The following KCNMA1 variants were observed in gnomAD, a reference collection of about 807,000 sequenced individuals.
KCNMA1 encodes potassium calcium-activated channel subfamily M alpha 1.
Under a neutral mutation model 140.0 loss-of-function variants are expected in KCNMA1, and 29 were observed. That is an observed-to-expected ratio of 0.21 (90% CI 0.15 to 0.28). The LOEUF (loss-of-function observed/expected upper bound fraction) is 0.28. Among genes scored for constraint, KCNMA1 ranks in the 10% least tolerant of loss-of-function variants. The pLI, the probability that KCNMA1 is intolerant of heterozygous loss-of-function variation, is 1.00. For synonymous variants in KCNMA1, 612 were observed against 611.9 expected, an observed-to-expected ratio of 1.00 and a Z score of 0.00; for missense variants, 880 against 1,602.2, an observed-to-expected ratio of 0.55 and a Z score of 7.70.
chr10:77,244,932 C>T (rs1326312765), intron 3 of KCNMA1, among the ~76,000 whole-genome samples: 2 of 152,206 alleles, frequency 1.3e-5, no homozygotes, highest in Non-Finnish European at 2.9e-5. Flanking sequence ...GCTGCTGGCT[C>T]TCCTGTTGTG....
chr10:76,953,969 A>C, intron 20 of KCNMA1, 45 bp from the exon 21 acceptor site: 1 of 1,607,448 alleles, frequency 6.2e-7, no homozygotes, highest in Non-Finnish European at 8.5e-7. Context: ...AATGTGATAA[A>C]TTATAAATGG....
chr10:77,078,630 T>TTCA (rs1429805056), intron 13 of KCNMA1, among the ~76,000 whole-genome samples: 8 of 152,232 alleles, frequency 5.3e-5, no homozygotes, highest in African/African-American at 1.9e-4. Flanking sequence ...CACTCACTAG[T>TTCA]TCACCTGGTC....
chr10:77,087,326 T>C (rs902425867), intron 10 of KCNMA1, among the ~76,000 whole-genome samples: 13 of 152,114 alleles, frequency 8.5e-5, no homozygotes, highest in African/African-American at 2.9e-4. Flanking sequence ...TCTCTAGAGA[T>C]AGATAGATAG....
chr10:77,512,681 G>A (rs2048815231), intron 1 of KCNMA1, among the ~76,000 whole-genome samples: 1 of 152,142 alleles, frequency 6.6e-6, no homozygotes, highest in African/African-American at 2.4e-5. Context: ...TATAACTGGA[G>A]CCCTTATAAG....
At chr10:77,314,499 G>A (rs548859874) in intron 2 of KCNMA1, among the ~76,000 whole-genome samples, 3 of 152,240 alleles carry the variant, frequency 2.0e-5, no homozygotes, top group South Asian at 2.1e-4. Flanking sequence ...TGTCAATTGC[G>A]CCCCTGCTGA....
chr10:77,147,886 A>G (rs1213544321), intron 5 of KCNMA1: 1 of 152,218 alleles, frequency 6.6e-6, no homozygotes, highest in Admixed American at 6.5e-5. Flanking sequence ...CATGGTTAAA[A>G]TAAAAGCGCC....
chr10:77,364,452 AAAAAAAGAAAG>A (rs2094207486), intron 2 of KCNMA1, among the ~76,000 whole-genome samples: 1 of 152,154 alleles, frequency 6.6e-6, no homozygotes, highest in Admixed American at 6.5e-5. Flanking sequence ...CTCCATCTCA[AAAAAAAGAAAG>A]AAAAAAGAAA....
chr10:77,227,622 G>A (rs2051952427), intron 3 of KCNMA1, among the ~76,000 whole-genome samples: 1 of 152,254 alleles, frequency 6.6e-6, no homozygotes, highest in Non-Finnish European at 1.5e-5. Context: ...TCATTTCTCT[G>A]TCATTATCAG....
rs181853899 is a variant in KCNMA1 at position 77,572,244 on chromosome 10, G to A, written c.378+65021C>T. ...AAAGTTGAAAATGAGTGTAGGATTA[G>A]AAACTACAATTCAGAATTTTAAAAA... is the stretch of plus-strand genomic sequence containing the variant. On this transcript the variant is annotated intron_variant, in intron 1 of 27. Transcript: ENST00000286628. Among the ~76,000 whole-genome samples the A allele has an allele frequency of 4.3e-3, 658 of 152,012 alleles. 6 individuals are homozygous for A. Among genetic ancestry groups the A allele is most frequent in the African/African-American group, 0.015 (632 of 41,430 alleles).
chr10:77,501,045 C>T (rs2043694873), intron 1 of KCNMA1, among the ~76,000 whole-genome samples: 1 of 152,240 alleles, frequency 6.6e-6, no homozygotes, highest in Non-Finnish European at 1.5e-5. Context: ...AATGCAGGCT[C>T]AAGGCTAAGA....
chr10:77,184,921 T>C lies in KCNMA1; in HGVS notation c.603-5A>G, dbSNP rs907422214. On this transcript the variant is annotated splice_polypyrimidine_tract_variant and splice_region_variant and intron_variant, in intron 3 of 27. Coordinates refer to ENST00000286628, the MANE Select transcript of KCNMA1 (RefSeq NM_001161352.2). ...TTCTGGCAGGATTCTATTGGGCTAT[T>C]AGACAGGAAGAAGAAAAAGCAAGAG... 15 of 1,571,902 alleles carry C rather than the reference T, an allele frequency of 9.5e-6. No homozygotes were observed. In the Admixed American group the frequency reaches 2.2e-4, roughly 23 times the overall value.
chr10:77,251,892 C>A (rs1020758356), intron 2 of KCNMA1, among the ~76,000 whole-genome samples: 2 of 152,174 alleles, frequency 1.3e-5, no homozygotes, highest in African/African-American at 4.8e-5. Context: ...ATAAGAGATA[C>A]CAATTTGAAG....
chr10:77,589,582 G>A (rs2078344996), intron 1 of KCNMA1, among the ~76,000 whole-genome samples: 1 of 152,186 alleles, frequency 6.6e-6, no homozygotes, highest in Admixed American at 6.5e-5. Context: ...CGGAATTGGT[G>A]GGTTCTTGGT....
At chr10:76,926,844 A>T (rs916435430) in intron 23 of KCNMA1, among the ~76,000 whole-genome samples, 1 of 152,164 alleles carries the variant, frequency 6.6e-6, no homozygotes, top group African/African-American at 2.4e-5. Flanking sequence ...CGCACCAAAT[A>T]CATTAAACCA....
intron 1 of KCNMA1, among the ~76,000 whole-genome samples, chr10:77,572,755 CAA>C (rs113888169): frequency 1.6e-4 from 19 of 120,164 alleles, no homozygotes; most frequent in African/African-American, 2.9e-4. Context: ...GATCTTGTCT[CAA>C]AAAAAAAAAA....
At chr10:77,223,910 G>A (rs978365715) in intron 3 of KCNMA1, among the ~76,000 whole-genome samples, 2 of 152,124 alleles carry the variant, frequency 1.3e-5, no homozygotes, top group Admixed American at 6.5e-5. Flanking sequence ...ATATCCAACT[G>A]CCACGAGAGA....
At chr10:77,181,431 A>G (rs760920149) in intron 5 of KCNMA1, among the ~76,000 whole-genome samples, 19 of 152,238 alleles carry the variant, frequency 1.2e-4, no homozygotes, top group Non-Finnish European at 2.2e-4. Flanking sequence ...TGCTGCTGAT[A>G]GAATTCTACT....
intron 14 of KCNMA1, among the ~76,000 whole-genome samples, chr10:77,049,015 C>T (rs1015205171): frequency 2.0e-5 from 3 of 152,132 alleles, no homozygotes; most frequent in Admixed American, 6.5e-5. Flanking sequence ...CCACCCGCCT[C>T]GGCCTCCCAA....
At chr10:77,168,909 A>G (rs2098672458) in intron 5 of KCNMA1, among the ~76,000 whole-genome samples, 1 of 152,232 alleles carries the variant, frequency 6.6e-6, no homozygotes, top group Non-Finnish European at 1.5e-5. Context: ...TTTGGGTCCT[A>G]TCTTCTTCAT....
Sources: allele counts gnomAD v4.1 joint callset (sites outside exome capture counted in the v4.1 genomes callset), GRCh38; gene constraint gnomAD v4.1.1; transcripts MANE v1.5; gene names NCBI Gene and HGNC (gene_info 2026-07-23, HGNC 2026-07-21).